The following RP1L1 variants were observed in gnomAD, a reference collection of about 807,000 sequenced individuals.
The protein encoded by RP1L1 is RP1 like 1, also known as retinitis pigmentosa 1-like 1 protein.
Under a neutral mutation model 15.7 loss-of-function variants are expected in RP1L1, and 27 were observed. The observed-to-expected ratio is 1.72, with a 90% CI of 1.27 to 2.38. The LOEUF (loss-of-function observed/expected upper bound fraction) is 2.38. Ranked by LOEUF, RP1L1 falls within the 30% of genes most tolerant of loss-of-function variation. RP1L1 has a pLI of 0.00. For missense variants in RP1L1, 4,798 were observed against 3,075.9 expected (o/e 1.56, Z -13.24); for synonymous variants, 1,813 against 1,276.7 (o/e 1.42, Z -8.96).
At position 10,608,639 on chromosome 8, in the gene RP1L1, G is replaced by T. The variant is rs200189313; in HGVS notation, c.5459C>A (p.Ala1820Glu). Reference sequence around the variant, plus strand: ...CTGTCCTGGATCTTGGTCACCTCCTGCCGCAGCTTCACCCTGCAAGTTGTC... The same window carrying T: ...CTGTCCTGGATCTTGGTCACCTCCTTCCGCAGCTTCACCCTGCAAGTTGTC... Reference protein sequence around the residue: ...HEDNLQGEAAAGGDQDPGQSD... With the variant: ...HEDNLQGEAAEGGDQDPGQSD... Residue 1820 changes from alanine (A) to glutamate (E), a missense_variant, in exon 4 of 4, where the codon GCA becomes GAA. Coordinates refer to ENST00000382483, the MANE Select transcript of RP1L1 (RefSeq NM_178857.6). 4 of 1,614,122 alleles carry T rather than the reference G, an allele frequency of 2.5e-6. No individual in the cohort carries two copies. In the East Asian group the frequency reaches 8.9e-5, roughly 36 times the overall value.
chr8:10,628,849 G>A (rs995306596), intron 1 of RP1L1, among the ~76,000 whole-genome samples: 1 of 152,182 alleles, frequency 6.6e-6, no homozygotes, highest in African/African-American at 2.4e-5. Flanking sequence ...GTATCTTCCT[G>A]TCCATCCCCC....
chr8:10,612,827 T>C lies in RP1L1; in HGVS notation c.1271A>G (p.Lys424Arg), dbSNP rs371110197. 2.4e-5 allele frequency: 38 copies of C among 1,612,172 alleles called. 1 individual carries two copies. Among genetic ancestry groups the C allele is most frequent in the Non-Finnish European group, 3.0e-5 (35 of 1,179,852 alleles). The stretch of plus-strand genomic sequence containing the variant: ...GACGTGCTGGGCCAGTCCCCACCTC[T>C]TCCGAGCTGCCACTCTCTCTCCCTG... ...ASQGERVAAR[K>R]RWGLAQHVRC... The change falls in exon 4 of 4, where the codon AAG (lysine) becomes AGG (arginine). Residue 424 changes from lysine (K) to arginine (R), a missense_variant. By Grantham distance (26) the Lys-to-Arg change is conservative (BLOSUM62 2). Transcript: ENST00000382483.
rs748230533 is a variant in RP1L1 at position 10,613,105 on chromosome 8, C to T, written c.993G>A (p.Leu331=). ...LSVEMKVRFH[L]VGEDTLLWSR... Reference sequence around the variant, plus strand: ...ACCATAGGAGCGTGTCCTCGCCGACCAGGTGGAAGCGGACTTTCATCTCCA... The same window carrying T: ...ACCATAGGAGCGTGTCCTCGCCGACTAGGTGGAAGCGGACTTTCATCTCCA... Residue 331 remains leucine, a synonymous_variant, in exon 4 of 4, where the codon CTG becomes CTA. Coordinates refer to ENST00000382483, the MANE Select transcript of RP1L1 (RefSeq NM_178857.6). 10 of 1,613,796 alleles carry T rather than the reference C, an allele frequency of 6.2e-6. No homozygotes were observed. The highest frequency in any genetic ancestry group is 1.7e-5 in the Admixed American group (1 of 60,008).
Position 10,608,216 on chromosome 8 carries a change from A to G in RP1L1, c.5882T>C (p.Ile1961Thr), listed in dbSNP as rs1245923795. Residue 1961 changes from isoleucine to threonine, a missense_variant, in exon 4 of 4, where the codon ATA becomes ACA. Transcript: ENST00000382483. ...EGQTQPESEV[I>T]ESQEAEEEAQ... ...TTCCTCTTCTGCCTCCTGGGACTCT[A>G]TAACTTCTGACTCTGGCTGGGTCTG... The G allele has an allele frequency of 5.7e-6, 9 of 1,569,422 alleles. No homozygotes were observed. The highest frequency in any genetic ancestry group is 1.1e-5 in the South Asian group (1 of 89,436).
Position 10,653,254 on chromosome 8 carries a change from T to G in RP1L1, c.-20+1644A>C, listed in dbSNP as rs549253044. 7.9e-5 allele frequency among the ~76,000 whole-genome samples: 12 copies of G among 152,274 alleles called. No homozygotes were observed. The South Asian group carries it at 2.5e-3, about 32-fold the overall frequency. On this transcript the variant is annotated intron_variant, in intron 1 of 3. Coordinates refer to ENST00000382483, the MANE Select transcript of RP1L1 (RefSeq NM_178857.6). ...GGTTACAGGGACGGGTTATTTAACT[T>G]GGAGCTGAGAAAGCTGTTGAACACT...
At chr8:10,645,459 G>A (rs555479580) in intron 1 of RP1L1, among the ~76,000 whole-genome samples, 22 of 152,272 alleles carry the variant, frequency 1.4e-4, no homozygotes, top group African/African-American at 4.1e-4. Context: ...GTGTCCAGAC[G>A]TCAGTCTTCA....
Position 10,611,590 on chromosome 8 carries a change from C to T in RP1L1, c.2508G>A (p.Glu836=), listed in dbSNP as rs748595056. 18 of 1,611,506 alleles carry T rather than the reference C, an allele frequency of 1.1e-5. No homozygotes were observed. Among genetic ancestry groups the T allele is most frequent in the African/African-American group, 2.7e-5 (2 of 75,054 alleles). Residue 836 remains glutamate (E), a synonymous_variant, in exon 4 of 4, where the codon GAG becomes GAA. Coordinates refer to ENST00000382483, the MANE Select transcript of RP1L1 (RefSeq NM_178857.6). ...CCTCAGGGGAGGGTCCCCGCTGGGC[C>T]TCTTGGGCCGGCTGCGTCCCAGGCT... The part of the protein sequence containing the change: ...CSQPGTQPAQ[E]AQRGPSPEAS...
intron 2 of RP1L1, 132 bp downstream of exon 2, chr8:10,622,461 C>T: frequency 1.7e-6 from 2 of 1,156,502 alleles, no homozygotes; most frequent in Non-Finnish European, 2.6e-6. Context: ...TGTCTCCATG[C>T]TGTTCACCTT....
rs771274879 is a variant in RP1L1, at chr8:10,609,167, C to A, written c.4931G>T (p.Gly1644Val). 3 of 1,612,698 alleles carry A rather than the reference C, an allele frequency of 1.9e-6. No individual in the cohort carries two copies. Among genetic ancestry groups the A allele is most frequent in the South Asian group, 2.2e-5 (2 of 91,072 alleles). ...EDEPALSTAL[G>V]SQLGEEAEGE... ...CTCCGCCTCCTCGCCCAGCTGGCTC[C>A]CCAGGGCTGTGCTGAGGGCTGGCTC... Residue 1644 changes from glycine (G) to valine (V), a missense_variant, in exon 4 of 4, where the codon GGG (glycine) becomes GTG (valine). By Grantham distance (109) the Gly-to-Val change is moderately radical. Coordinates refer to ENST00000382483, the MANE Select transcript of RP1L1 (RefSeq NM_178857.6).
At position 10,612,531 on chromosome 8, in the gene RP1L1, G is replaced by A. The variant is rs1345928660; in HGVS notation, c.1567C>T (p.Pro523Ser). Reference protein sequence around the residue: ...GGPEQGGRLTPRARSEEGASS... With the variant: ...GGPEQGGRLTSRARSEEGASS... ...GCCCCCTCCTCACTCCGGGCCCTCG[G>A]TGTCAGGCGGCCGCCTTGCTCTGGG... is the stretch of plus-strand genomic sequence containing the variant. Residue 523 changes from proline (P) to serine (S), a missense_variant, in exon 4 of 4, where the codon CCG (proline) becomes TCG (serine). Coordinates refer to ENST00000382483, the MANE Select transcript of RP1L1 (RefSeq NM_178857.6). 5.0e-6 allele frequency: 8 copies of A among 1,610,528 alleles called. No individual in the cohort carries two copies. Among genetic ancestry groups the A allele is most frequent in the Non-Finnish European group, 6.8e-6 (8 of 1,179,522 alleles).
Position 10,622,752 on chromosome 8 carries a change from G to T in RP1L1, c.450C>A (p.Thr150=). The change falls in exon 2 of 4, where the codon ACC becomes ACA. Residue 150 remains threonine (T), a synonymous_variant. Transcript: ENST00000382483. ...TCTTAATCAGCAGTATCCTCCGGGGGGTTTTAAGACTCTTCCGGGAGGAGG... is the reference window on the plus strand; with the variant it reads ...TCTTAATCAGCAGTATCCTCCGGGGTGTTTTAAGACTCTTCCGGGAGGAGG... ...GTSSSRKSLK[T]PRRILLIKNM... 1.2e-6 allele frequency: 2 copies of T among 1,614,108 alleles called. No individual in the cohort carries two copies. The highest frequency in any genetic ancestry group is 1.1e-5 in the South Asian group (1 of 91,070).
At chr8:10,645,107 A>T (rs1471204089) in intron 1 of RP1L1, among the ~76,000 whole-genome samples, 2 of 152,154 alleles carry the variant, frequency 1.3e-5, no homozygotes, top group Admixed American at 6.5e-5. Context: ...CAGGAGGGTC[A>T]CTTAAGGCCA....
In RP1L1 at chr8:10,608,929, G is replaced by A; in HGVS notation, c.5169C>T (p.Val1723=). The A allele has an allele frequency of 6.2e-7, 1 of 1,614,048 alleles. No homozygotes were observed. The highest frequency in any genetic ancestry group is 8.5e-7 in the Non-Finnish European group (1 of 1,180,000). Reference sequence around the variant, plus strand: ...GCCCCAGCCCTCCCTCAGCTCCCTGGACAGTCCTAGTGCTCGTGGGGTCCG... The same window carrying A: ...GCCCCAGCCCTCCCTCAGCTCCCTGAACAGTCCTAGTGCTCGTGGGGTCCG... ...THTDPTSTRT[V]QGAEGGLGPG... is the part of the protein sequence containing the mutation. The change falls in exon 4 of 4, where the codon GTC becomes GTT. Residue 1723 remains valine (V), a synonymous_variant. Transcript: ENST00000382483.
intron 1 of RP1L1, among the ~76,000 whole-genome samples, chr8:10,627,231 C>G (rs1236857435): frequency 6.6e-6 from 1 of 152,116 alleles, no homozygotes; most frequent in African/African-American, 2.4e-5. Context: ...TAGAAACAAC[C>G]CAAACATTCA....
At chr8:10,654,207 G>C (rs1319629058) in intron 1 of RP1L1, among the ~76,000 whole-genome samples, 1 of 152,108 alleles carries the variant, frequency 6.6e-6, no homozygotes, top group Non-Finnish European at 1.5e-5. Context: ...CTGGCCGCTG[G>C]GGGGATGTCA....
At chr8:10,624,317 GACAA>G (rs768359276) in intron 1 of RP1L1, among the ~76,000 whole-genome samples, 16 of 152,154 alleles carry the variant, frequency 1.1e-4, no homozygotes, top group Non-Finnish European at 2.1e-4. Flanking sequence ...ATTCCAATGT[GACAA>G]ACAGACACGC....
Position 10,609,817 on chromosome 8 carries a change from G to T in RP1L1, c.4281C>A (p.Val1427=). Residue 1427 remains valine (V), a synonymous_variant, in exon 4 of 4, where the codon GTC becomes GTA. Transcript: ENST00000382483. ...AGGCTCTTCCTGCTTCCTCCTCCTG[G>T]ACTGGGTCATCTTCCTGGGAGCCTT... The part of the protein sequence containing the change: ...DGKGSQEDDP[V]QEEEAGRASA... The T allele has an allele frequency of 6.2e-7, 1 of 1,614,120 alleles. No individual in the cohort carries two copies. The highest frequency in any genetic ancestry group is 8.5e-7 in the Non-Finnish European group (1 of 1,180,022).
intron 2 of RP1L1, among the ~76,000 whole-genome samples, chr8:10,618,200 A>G (rs1798001456): frequency 1.3e-5 from 2 of 152,092 alleles, no homozygotes; most frequent in Admixed American, 1.3e-4. Context: ...TCCCAAGGGG[A>G]TAATAATATC....
intron 1 of RP1L1, among the ~76,000 whole-genome samples, chr8:10,637,778 G>C (rs1163055320): frequency 6.6e-6 from 1 of 152,236 alleles, no homozygotes; most frequent in Non-Finnish European, 1.5e-5. Flanking sequence ...GAGACAGGAG[G>C]GGAAAGAGAC....
Sources: gnomAD v4.1 joint callset for allele counts (sites outside exome capture counted in the v4.1 genomes callset) on GRCh38, gnomAD v4.1.1 for gene constraint, MANE v1.5 for transcripts, NCBI Gene and HGNC (gene_info 2026-07-23, HGNC 2026-07-21) for gene names.